Variants in MACO1 observed in about 807,000 individuals in gnomAD.
MACO1 encodes macoilin.
MACO1 carries 14 observed loss-of-function variants against 78.7 expected under a neutral mutation model. The observed-to-expected ratio is 0.18, with a 90% CI of 0.12 to 0.28. The LOEUF is 0.28. Among genes scored for constraint, MACO1 ranks in the 10% least tolerant of loss-of-function variants. The pLI is 1.00. For synonymous variants in MACO1, 288 were observed against 291.6 expected (o/e 0.99, Z 0.12); for missense variants, 501 against 799.0 (o/e 0.63, Z 4.50).
Position 25,484,251 on chromosome 1 carries a change from G to C in MACO1, c.1290G>C (p.Gln430His), listed in dbSNP as rs1283303530. The change falls in exon 7 of 11, where the codon CAG becomes CAC. Residue 430 changes from glutamine (Q) to histidine (H), a missense_variant. Coordinates refer to ENST00000374343, the MANE Select transcript of MACO1 (RefSeq NM_018202.6). ...GCTCAGAAATGGGCCAGCTTCGGCAGGAGAACGAGCTGCTGCAGAACAAGT... is the reference window on the plus strand; with the variant it reads ...GCTCAGAAATGGGCCAGCTTCGGCACGAGAACGAGCTGCTGCAGAACAAGT... ...GIRSEMGQLRQENELLQNKLH... is the reference protein window; with the variant it reads ...GIRSEMGQLRHENELLQNKLH... The C allele has an allele frequency of 2.5e-6, 4 of 1,612,424 alleles. No homozygotes were observed. The highest frequency in any genetic ancestry group is 3.4e-5 in the Admixed American group (2 of 59,570).
chr1:25,478,112 G>T (rs1249977684), intron 6 of MACO1, among the ~76,000 whole-genome samples: 15 of 152,118 alleles, frequency 9.9e-5, no homozygotes. Context: ...AGGCATGGTG[G>T]TACAGGCCTA....
At chr1:25,462,643 A>C (rs1265268360) in intron 6 of MACO1, among the ~76,000 whole-genome samples, 2 of 152,224 alleles carry the variant, frequency 1.3e-5, no homozygotes, top group Non-Finnish European at 2.9e-5. Flanking sequence ...GTCTGTCTGA[A>C]AACTGTGGGT....
At position 25,498,597 on chromosome 1, in the gene MACO1, A is replaced by AG. The variant is rs1397350132; in HGVS notation, c.*137dup. ...ACTGTATCTGTTGTCATTTTTAAAA[A>AG]GGGGGGAAAAGATAACATCCAAGTC... On this transcript the variant is annotated 3_prime_UTR_variant, in exon 11 of 11. Transcript: ENST00000374343. The AG allele has an allele frequency of 8.1e-6, 7 of 862,866 alleles. No homozygotes were observed. The highest frequency in any genetic ancestry group is 1.2e-5 in the Non-Finnish European group (7 of 570,176). The allele number at this position is 862,866 out of a possible 1,614,324, so 53.5% of individuals were successfully genotyped here.
intron 1 of MACO1, among the ~76,000 whole-genome samples, chr1:25,438,786 C>T (rs1048120790): frequency 6.6e-6 from 1 of 152,100 alleles, no homozygotes; most frequent in Non-Finnish European, 1.5e-5. Context: ...GCCTGTAATC[C>T]CAGCTACTTG....
intron 6 of MACO1, among the ~76,000 whole-genome samples, chr1:25,479,787 A>G (rs961458413): frequency 7.9e-5 from 12 of 152,194 alleles, no homozygotes; most frequent in Non-Finnish European, 1.2e-4. Context: ...CTTAGAAAAT[A>G]GGATTGTATA....
intron 6 of MACO1, among the ~76,000 whole-genome samples, chr1:25,473,882 C>T (rs948499582): frequency 6.6e-6 from 1 of 152,160 alleles, no homozygotes; most frequent in Non-Finnish European, 1.5e-5. Flanking sequence ...TGACAACTCT[C>T]CTCTATCACA....
intron 6 of MACO1, among the ~76,000 whole-genome samples, chr1:25,471,028 TA>T (rs1486743028): frequency 2.1e-5 from 3 of 140,120 alleles, no homozygotes; most frequent in African/African-American, 8.1e-5. Flanking sequence ...AACCTGTCTT[TA>T]AAAAAAATTA....
chr1:25,446,813 A>C lies in MACO1; in HGVS notation c.132A>C (p.Ala44=). 2 of 1,613,980 alleles carry C rather than the reference A, an allele frequency of 1.2e-6. No individual in the cohort carries two copies. Among genetic ancestry groups the C allele is most frequent in the South Asian group, 1.1e-5 (1 of 91,064 alleles). Residue 44 remains alanine, a synonymous_variant, in exon 2 of 11, where the codon GCA becomes GCC. Transcript: ENST00000374343. Reference sequence around the variant, plus strand: ...TGGTGTGGGCACTTGTCCTCCTAGCAGATTTTGTCCTGGAGTTCAGATTTG... The same window carrying C: ...TGGTGTGGGCACTTGTCCTCCTAGCCGATTTTGTCCTGGAGTTCAGATTTG... ...FLVVWALVLL[A]DFVLEFRFEY...
intron 1 of MACO1, among the ~76,000 whole-genome samples, chr1:25,441,585 C>T (rs940470042): frequency 1.3e-5 from 2 of 152,180 alleles, no homozygotes; most frequent in Non-Finnish European, 2.9e-5. Context: ...TGGGCAGCTC[C>T]TTTTTTCTTG....
rs1371908218 is a variant in MACO1, at chr1:25,485,855, A to G, written c.1496+60A>G. 1 of 1,550,320 alleles carries G rather than the reference A, an allele frequency of 6.5e-7. No individual in the cohort carries two copies. On this transcript the variant is annotated intron_variant, in intron 8 of 10. Transcript: ENST00000374343. This position sits in a 1 kb window ranked among gnomAD's most constrained non-coding sequence, Gnocchi z 4.3. Reference sequence around the variant, plus strand: ...TTGGCTTTCCTTTACCAACAAAGACATGGGAATTTGGTGCCTTGGGCAGGA... The same window carrying G: ...TTGGCTTTCCTTTACCAACAAAGACGTGGGAATTTGGTGCCTTGGGCAGGA...
intron 6 of MACO1, among the ~76,000 whole-genome samples, chr1:25,466,948 G>A (rs899305340): frequency 1.3e-5 from 2 of 152,008 alleles, no homozygotes; most frequent in African/African-American, 4.8e-5. Flanking sequence ...TCCATGGCAG[G>A]CCAGTGCGAT....
At chr1:25,448,590 A>G (rs2043036790) in intron 2 of MACO1, among the ~76,000 whole-genome samples, 1 of 152,208 alleles carries the variant, frequency 6.6e-6, no homozygotes, top group Non-Finnish European at 1.5e-5. Flanking sequence ...TGATTTGAGG[A>G]CCATAAAGTA....
chr1:25,448,754 G>A lies in MACO1; in HGVS notation c.223-54G>A, dbSNP rs1481421889. ...AACATGTGTTTAACAATGTGTGGTTGAAAATAACAGGTTCTAAGATGTATC... is the reference window on the plus strand; with the variant it reads ...AACATGTGTTTAACAATGTGTGGTTAAAAATAACAGGTTCTAAGATGTATC... On this transcript the variant is annotated intron_variant, in intron 2 of 10. Transcript: ENST00000374343. 1.1e-5 allele frequency: 15 copies of A among 1,410,184 alleles called. No homozygotes were observed. The Admixed American group carries it at 2.0e-4, about 19-fold the overall frequency. 87.4% of individuals were successfully genotyped at this position (1,410,184 alleles called of 1,614,324 possible). A position where few individuals can be genotyped will look rare whatever the true frequency, so the allele number is the denominator to read the frequency against.
intron 6 of MACO1, among the ~76,000 whole-genome samples, chr1:25,483,813 C>T (rs1330955066): frequency 6.6e-6 from 1 of 152,230 alleles, no homozygotes; most frequent in African/African-American, 2.4e-5. Flanking sequence ...GCCACCCTCT[C>T]TGCTGTCCCT....
At chr1:25,491,907 G>A (rs34791230) in intron 10 of MACO1, among the ~76,000 whole-genome samples, 65,571 of 151,992 alleles carry the variant, frequency 0.43, 15,080 homozygotes, top group East Asian at 0.73. Flanking sequence ...GGGCCTGAGG[G>A]AACATAGAAA....
intron 3 of MACO1, among the ~76,000 whole-genome samples, chr1:25,451,571 A>G (rs543953995): frequency 8.5e-5 from 13 of 152,244 alleles, no homozygotes; most frequent in Non-Finnish European, 1.2e-4. Context: ...TTGAAAATGC[A>G]TTGTTCTGTG....
chr1:25,443,890 C>T (rs2042992780), intron 1 of MACO1, among the ~76,000 whole-genome samples: 1 of 151,978 alleles, frequency 6.6e-6, no homozygotes, highest in Non-Finnish European at 1.5e-5. Flanking sequence ...CCAGAGATAG[C>T]TCCATGGGGA....
intron 1 of MACO1, among the ~76,000 whole-genome samples, chr1:25,432,586 A>G (rs186022705): frequency 1.1e-3 from 169 of 152,340 alleles, no homozygotes; most frequent in South Asian, 1.7e-3. Context: ...AATTTTTTCT[A>G]CACATAGATG....
chr1:25,474,507 G>A (rs2043302422), intron 6 of MACO1, among the ~76,000 whole-genome samples: 1 of 152,082 alleles, frequency 6.6e-6, no homozygotes, highest in Admixed American at 6.5e-5. Context: ...AGTCTTCTGT[G>A]CTCCTAGAAA....
Sources: allele counts gnomAD v4.1 joint callset (sites outside exome capture counted in the v4.1 genomes callset), GRCh38; gene constraint gnomAD v4.1.1; non-coding constraint Gnocchi (gnomAD v3.1); transcripts MANE v1.5; gene names NCBI Gene and HGNC (gene_info 2026-07-23, HGNC 2026-07-21).